Variants in NPRL3 observed in about 807,000 individuals in gnomAD.
NPRL3 encodes the protein GATOR1 complex protein NPRL3.
In NPRL3, 23 loss-of-function variants were observed where a neutral mutation model predicts 57.2. That is an observed-to-expected ratio of 0.40 (90% CI 0.29 to 0.57). The LOEUF (loss-of-function observed/expected upper bound fraction) is 0.57, where lower values mean the gene tolerates loss of function less well. Ranked by LOEUF, NPRL3 falls within the 20% of genes least tolerant of loss-of-function variation. NPRL3 has a pLI of 0.42. For synonymous variants in NPRL3, 333 were observed against 321.1 expected, an observed-to-expected ratio of 1.04 and a Z score of -0.39; for missense variants, 691 against 767.1, an observed-to-expected ratio of 0.90 and a Z score of 1.17.
At chr16:126,033 G>T (rs1900499884) in intron 3 of NPRL3, 1 of 152,250 alleles carries the variant, frequency 6.6e-6, no homozygotes, top group Non-Finnish European at 1.5e-5. Flanking sequence ...CCAAGCCTGA[G>T]GACAGTAGCA....
At chr16:113,070 T>C (rs569383451) in intron 5 of NPRL3, among the ~76,000 whole-genome samples, 43 of 130,904 alleles carry the variant, frequency 3.3e-4, no homozygotes, top group Middle Eastern at 3.9e-3. Flanking sequence ...AAGGAGGCAC[T>C]GTTGTTCTTA....
intron 7 of NPRL3, among the ~76,000 whole-genome samples, chr16:110,305 TAAACA>T (rs959886506): frequency 2.4e-5 from 3 of 124,012 alleles, no homozygotes; most frequent in Non-Finnish European, 5.6e-5. Flanking sequence ...AAATAAAAAA[TAAACA>T]AAAAAAAACG....
intron 4 of NPRL3, 70 bp downstream of exon 4, chr16:119,056 A>G (rs1247524548): frequency 6.4e-7 from 1 of 1,572,196 alleles, no homozygotes; most frequent in Admixed American, 1.8e-5. Flanking sequence ...CTGCCCAAGG[A>G]GAGCCACACC....
At chr16:134,139 G>A (rs184613411) in intron 2 of NPRL3, among the ~76,000 whole-genome samples, 25 of 152,008 alleles carry the variant, frequency 1.6e-4, no homozygotes, top group Admixed American at 9.8e-4. Context: ...TTGGAAAAAT[G>A]GTGCTGACAG....
intron 5 of NPRL3, among the ~76,000 whole-genome samples, chr16:115,824 T>C (rs1331445244): frequency 1.3e-5 from 2 of 152,222 alleles, no homozygotes; most frequent in East Asian, 3.8e-4. Context: ...TCTATACTTC[T>C]CCAGGTTCTG....
chr16:98,009 G>T (rs1401441422), intron 9 of NPRL3, 136 bp downstream of exon 9: 14 of 1,071,908 alleles, frequency 1.3e-5, no homozygotes, highest in Non-Finnish European at 1.7e-5. Context: ...CCCAGGGACT[G>T]GCCCCACCCC....
At chr16:129,411 T>C (rs1462319087) in intron 3 of NPRL3, among the ~76,000 whole-genome samples, 1 of 152,078 alleles carries the variant, frequency 6.6e-6, no homozygotes, top group Non-Finnish European at 1.5e-5. Flanking sequence ...TCCAATGGGG[T>C]GTCCAGCAAG....
At chr16:101,566 A>G (rs1398444610) in intron 7 of NPRL3, among the ~76,000 whole-genome samples, 1 of 152,142 alleles carries the variant, frequency 6.6e-6, no homozygotes, top group Non-Finnish European at 1.5e-5. Flanking sequence ...TCCACTTTAA[A>G]CCATCAGCAA....
chr16:132,548 C>T (rs1328432850), intron 2 of NPRL3, among the ~76,000 whole-genome samples: 2 of 152,200 alleles, frequency 1.3e-5, no homozygotes, highest in Non-Finnish European at 2.9e-5. Context: ...GACATGATCA[C>T]CAATGTTCTT....
At chr16:115,597 T>C (rs1365302821) in intron 5 of NPRL3, among the ~76,000 whole-genome samples, 2 of 151,766 alleles carry the variant, frequency 1.3e-5, no homozygotes, top group South Asian at 2.1e-4. Context: ...CCGATTCTAC[T>C]GCCTCAGCCT....
intron 7 of NPRL3, among the ~76,000 whole-genome samples, chr16:106,681 A>G (rs1028209781): frequency 2.6e-5 from 4 of 151,592 alleles, no homozygotes; most frequent in Admixed American, 6.6e-5. Flanking sequence ...ATTCCTTTGA[A>G]AAATCCCACC....
chr16:100,793 A>G (rs1273059465), intron 7 of NPRL3, among the ~76,000 whole-genome samples: 2 of 137,802 alleles, frequency 1.5e-5, no homozygotes, highest in African/African-American at 5.5e-5. Flanking sequence ...TAACACGGTG[A>G]AACCCCGTCT....
chr16:131,492 A>AT (rs1900792417), intron 2 of NPRL3, among the ~76,000 whole-genome samples: 1 of 147,912 alleles, frequency 6.8e-6, no homozygotes, highest in South Asian at 2.1e-4. Flanking sequence ...AAAAAAAAAA[A>AT]AAATTAGCCG....
chr16:118,928 G>A (rs1567142549), intron 4 of NPRL3, among the ~76,000 whole-genome samples, 198 bp downstream of exon 4: 1 of 144,450 alleles, frequency 6.9e-6, no homozygotes. Context: ...GTCTGTACCT[G>A]CCCAGGGGAA....
intron 3 of NPRL3, among the ~76,000 whole-genome samples, chr16:121,568 G>A (rs1362611680): frequency 6.6e-6 from 1 of 151,564 alleles, no homozygotes; most frequent in Non-Finnish European, 1.5e-5. Flanking sequence ...TGCAGTGAGC[G>A]GAGATCGTGC....
chr16:126,099 G>A (rs1900502243), intron 3 of NPRL3: 1 of 152,240 alleles, frequency 6.6e-6, no homozygotes, highest in African/African-American at 2.4e-5. Context: ...GCTGGTAGCT[G>A]GGTGAGGGGG....
At chr16:120,060 A>C (rs1425938154) in intron 3 of NPRL3, among the ~76,000 whole-genome samples, 3 of 151,920 alleles carry the variant, frequency 2.0e-5, no homozygotes, top group Admixed American at 2.0e-4. Context: ...AGGGAGTGTC[A>C]CCTGCAGGGG....
In NPRL3 at chr16:138,284, G is replaced by A. The variant is rs1901215828; in HGVS notation, c.-17C>T. ...GTCCCGCATCCCGCCGTGGGGCCGG[G>A]GCCGGGGGCGGAGGGGGCCAGAGGA... On this transcript the variant is annotated 5_prime_UTR_variant, in exon 2 of 14. Coordinates refer to ENST00000611875, the MANE Select transcript of NPRL3 (RefSeq NM_001077350.3). 2 of 1,577,766 alleles carry A rather than the reference G, an allele frequency of 1.3e-6. No homozygotes were observed. Among genetic ancestry groups the A allele is most frequent in the Admixed American group, 1.8e-5 (1 of 54,574 alleles).
At chr16:119,448 AATTACAAGGT>A in intron 3 of NPRL3, 193 bp from the exon 4 acceptor site, 1 of 605,932 alleles carries the variant, frequency 1.7e-6, no homozygotes, top group Non-Finnish European at 2.9e-6. Context: ...AGATCACCAG[AATTACAAGGT>A]AAAAGGCATG....
Sources: allele counts gnomAD v4.1 joint callset (sites outside exome capture counted in the v4.1 genomes callset), GRCh38; gene constraint gnomAD v4.1.1; transcripts MANE v1.5; gene names NCBI Gene and HGNC (gene_info 2026-07-23, HGNC 2026-07-21).